Variants in USP32 observed in about 807,000 individuals in gnomAD.
USP32 encodes the protein ubiquitin specific peptidase 32, also known as ubiquitin carboxyl-terminal hydrolase 32.
A neutral mutation model predicts 204.8 loss-of-function variants in USP32; 59 were observed. That is an observed-to-expected ratio of 0.29 (90% CI 0.23 to 0.36). USP32 has a LOEUF of 0.36. Ranked by LOEUF, USP32 falls within the 10% of genes least tolerant of loss-of-function variation. The pLI is 1.00. For synonymous variants in USP32, 517 were observed against 678.4 expected, an observed-to-expected ratio of 0.76 and a Z score of 3.70; for missense variants, 1,160 against 1,946.4, an observed-to-expected ratio of 0.60 and a Z score of 7.60.
intron 11 of USP32, among the ~76,000 whole-genome samples, chr17:60,240,811 T>C (rs1045245117): frequency 1.3e-5 from 2 of 152,298 alleles, no homozygotes; most frequent in Non-Finnish European, 1.5e-5. Context: ...AGCATTCTAT[T>C]ATATGCCTCA....
chr17:60,329,112 T>C (rs565872163), intron 2 of USP32, among the ~76,000 whole-genome samples: 29 of 152,146 alleles, frequency 1.9e-4, no homozygotes, highest in Non-Finnish European at 3.7e-4. Flanking sequence ...CTGTACTCCA[T>C]AAATATGTAT....
At chr17:60,239,956 C>T (rs1230833492) in intron 11 of USP32, among the ~76,000 whole-genome samples, 3 of 152,162 alleles carry the variant, frequency 2.0e-5, no homozygotes, top group African/African-American at 7.2e-5. Flanking sequence ...AGGCTGGTCT[C>T]GAACTCCTGA....
chr17:60,338,970 C>T (rs961430952), intron 2 of USP32, among the ~76,000 whole-genome samples: 23 of 152,014 alleles, frequency 1.5e-4, no homozygotes, highest in South Asian at 2.1e-4. Context: ...AGAGCAGTGA[C>T]GTGATCTTGG....
chr17:60,289,303 C>T (rs915069081), intron 4 of USP32, among the ~76,000 whole-genome samples: 2 of 152,196 alleles, frequency 1.3e-5, no homozygotes, highest in Non-Finnish European at 1.5e-5. Flanking sequence ...CCACCGTGCC[C>T]GGCCATCTGC....
At chr17:60,334,544 T>C (rs1159843731) in intron 2 of USP32, among the ~76,000 whole-genome samples, 1 of 151,060 alleles carries the variant, frequency 6.6e-6, no homozygotes, top group East Asian at 1.9e-4. Context: ...TACAAAAAAT[T>C]AGCCGGGCGT....
At chr17:60,184,200 AGCTACTCAGGAG>A (rs559987865) in intron 30 of USP32, among the ~76,000 whole-genome samples, 63 of 151,944 alleles carry the variant, frequency 4.1e-4, no homozygotes, top group African/African-American at 1.5e-3. Context: ...CTGTAGTCCT[AGCTACTCAGGAG>A]GCTGAGGCAG....
chr17:60,255,773 T>C (rs182004835), intron 9 of USP32, among the ~76,000 whole-genome samples: 299 of 152,270 alleles, frequency 2.0e-3, no homozygotes, highest in African/African-American at 6.2e-3. Flanking sequence ...GTTGGTAAAA[T>C]TCACTAAATA....
rs868809415 is a variant in USP32 at position 60,349,666 on chromosome 17, C to T, written c.59-4058G>A. 9.2e-5 allele frequency among the ~76,000 whole-genome samples: 10 copies of T among 109,040 alleles called. No individual in the cohort carries two copies. In the South Asian group the frequency reaches 1.6e-3, roughly 18 times the overall value. The allele number at this position is 109,040 out of a possible 152,430, so 71.5% of individuals were successfully genotyped here. A position where few individuals can be genotyped will look rare whatever the true frequency, so the allele number is the denominator to read the frequency against. Reference sequence around the variant, plus strand: ...TATTATATATATACATATATATACACATATATATATACACACATATATATA... The same window carrying T: ...TATTATATATATACATATATATACATATATATATATACACACATATATATA... On this transcript the variant is annotated intron_variant, in intron 1 of 33. Coordinates refer to ENST00000300896, the MANE Select transcript of USP32 (RefSeq NM_032582.4).
chr17:60,353,139 A>G (rs1045701707), intron 1 of USP32, among the ~76,000 whole-genome samples: 2 of 152,206 alleles, frequency 1.3e-5, no homozygotes, highest in African/African-American at 2.4e-5. Flanking sequence ...AAATAAGCTT[A>G]TAAGGATAGG....
chr17:60,336,641 G>A (rs1337006102), intron 2 of USP32, among the ~76,000 whole-genome samples: 2 of 146,510 alleles, frequency 1.4e-5, no homozygotes, highest in Non-Finnish European at 3.0e-5. Context: ...GCGTGAACCC[G>A]GGAGGCGGAG....
At position 60,193,364 on chromosome 17, in the gene USP32, G is replaced by A. The variant is rs982233541; in HGVS notation, c.3435-434C>T. Among the ~76,000 whole-genome samples, 8 of 152,098 alleles carry A rather than the reference G, an allele frequency of 5.3e-5. No homozygotes were observed. The East Asian group carries it at 9.6e-4, about 18-fold the overall frequency. The stretch of plus-strand genomic sequence containing the variant: ...TTAGAAGTCTTCTTTAATCAGAATC[G>A]CTGATGTGGTACATGCTAAGTACTG... On this transcript the variant is annotated intron_variant, in intron 27 of 33. Transcript: ENST00000300896.
intron 7 of USP32, among the ~76,000 whole-genome samples, chr17:60,267,558 C>T (rs1036891825): frequency 1.3e-5 from 2 of 151,570 alleles, no homozygotes; most frequent in Admixed American, 6.6e-5. Flanking sequence ...GATGGCGTCT[C>T]GCTCTGTCAC....
At chr17:60,369,402 C>T (rs958642034) in intron 1 of USP32, among the ~76,000 whole-genome samples, 4 of 125,846 alleles carry the variant, frequency 3.2e-5, no homozygotes, top group Non-Finnish European at 6.4e-5. Context: ...ACACCCTAAG[C>T]AACATAGCAA....
Position 60,214,776 on chromosome 17 carries a change from T to C in USP32, c.1868-2A>G, listed in dbSNP as rs111282078. On this transcript the variant is annotated splice_acceptor_variant, in intron 16 of 33. Coordinates refer to ENST00000300896, the MANE Select transcript of USP32 (RefSeq NM_032582.4). LOFTEE classifies it high-confidence loss of function. ...GTGCATTCGGAGAAGGTACATTTCC[T>C]ATGGTTACAGTAATCACAGTAAGAA... 1 of 1,613,964 alleles carries C rather than the reference T, an allele frequency of 6.2e-7. No individual in the cohort carries two copies. The highest frequency in any genetic ancestry group is 2.2e-5 in the East Asian group (1 of 44,878).
At position 60,178,330 on chromosome 17, in the gene USP32, T is replaced by C. The variant is rs1179909204; in HGVS notation, c.*925A>G. 6.6e-6 allele frequency among the ~76,000 whole-genome samples: 1 copy of C among 152,236 alleles called. No homozygotes were observed. Reference sequence around the variant, plus strand: ...AACAACCACTAATTGTGAAACGTGATCTAGCTCCAATGCCACTTACCTTCC... The same window carrying C: ...AACAACCACTAATTGTGAAACGTGACCTAGCTCCAATGCCACTTACCTTCC... On this transcript the variant is annotated 3_prime_UTR_variant, in exon 34 of 34. Coordinates refer to ENST00000300896, the MANE Select transcript of USP32 (RefSeq NM_032582.4).
intron 2 of USP32, among the ~76,000 whole-genome samples, chr17:60,306,021 A>G (rs1305024446): frequency 6.6e-6 from 1 of 152,172 alleles, no homozygotes; most frequent in Non-Finnish European, 1.5e-5. Context: ...CCTTTAATCA[A>G]TGTTTCAGAA....
At chr17:60,410,932 A>T (rs1478250367) in intron 1 of USP32, among the ~76,000 whole-genome samples, 1 of 151,680 alleles carries the variant, frequency 6.6e-6, no homozygotes, top group Admixed American at 6.6e-5. Context: ...TACAAAAATT[A>T]GCCAGGCATG....
In USP32 at chr17:60,421,977, C is replaced by T. The variant is rs371954734; in HGVS notation, c.106+269G>A. 2.3e-4 allele frequency: 225 copies of T among 980,948 alleles called. 2 individuals carry two copies. In the African/African-American group the frequency reaches 3.5e-3, roughly 15 times the overall value. The allele number at this position is 980,948 out of a possible 1,614,324, so 60.8% of individuals were successfully genotyped here. On this transcript the variant is annotated intron_variant, in intron 1 of 3. Transcript: ENST00000588898. Reference sequence around the variant, plus strand: ...AGAGCCCGTAGGCACTGGCGGGGATCTTTATACACCCCCAAAACACACACA... The same window carrying T: ...AGAGCCCGTAGGCACTGGCGGGGATTTTTATACACCCCCAAAACACACACA...
chr17:60,335,790 T>A (rs1205805268), intron 2 of USP32, among the ~76,000 whole-genome samples: 1 of 143,270 alleles, frequency 7.0e-6, no homozygotes, highest in Non-Finnish European at 1.5e-5. Flanking sequence ...ATGGGTCATG[T>A]GCTTTTGTTG....
Sources: gnomAD v4.1 joint callset for allele counts (sites outside exome capture counted in the v4.1 genomes callset) on GRCh38, gnomAD v4.1.1 for gene constraint, MANE v1.5 for transcripts, NCBI Gene and HGNC (gene_info 2026-07-23, HGNC 2026-07-21) for gene names.